Variants in DCTN6 observed in about 807,000 individuals in gnomAD.
The protein encoded by DCTN6 is dynactin subunit 6, also known as dynactin 6.
Under a neutral mutation model 25.8 loss-of-function variants are expected in DCTN6, and 15 were observed. That is an observed-to-expected ratio of 0.58 (90% CI 0.39 to 0.89). The LOEUF is 0.89. Ranked by LOEUF, DCTN6 falls within the 40% of genes least tolerant of loss-of-function variation. The pLI is 0.00. For synonymous variants in DCTN6, 64 were observed against 78.3 expected (o/e 0.82, Z 0.96); for missense variants, 198 against 237.6 (o/e 0.83, Z 1.09).
At chr8:30,157,115 T>G (rs972221423) in intron 1 of DCTN6, among the ~76,000 whole-genome samples, 1 of 152,122 alleles carries the variant, frequency 6.6e-6, no homozygotes, top group Admixed American at 6.5e-5. Flanking sequence ...GCTTTTAGAG[T>G]CCCCAGTGTC....
At chr8:30,167,848 G>A (rs1486681191) in intron 2 of DCTN6, among the ~76,000 whole-genome samples, 4 of 152,086 alleles carry the variant, frequency 2.6e-5, no homozygotes, top group Admixed American at 2.0e-4. Flanking sequence ...ACAGGCATGT[G>A]CCACCACACT....
At chr8:30,173,881 G>A (rs953035145) in intron 2 of DCTN6, among the ~76,000 whole-genome samples, 1 of 151,544 alleles carries the variant, frequency 6.6e-6, no homozygotes, top group African/African-American at 2.4e-5. Flanking sequence ...CATAAAAATT[G>A]CCTTGGTATT....
intron 1 of DCTN6, among the ~76,000 whole-genome samples, chr8:30,158,053 G>A (rs1202284416): frequency 1.3e-5 from 2 of 152,066 alleles, no homozygotes; most frequent in Non-Finnish European, 2.9e-5. Context: ...CGAGATACAA[G>A]GGGTCCTTGC....
At chr8:30,161,989 C>T (rs994720233) in intron 1 of DCTN6, among the ~76,000 whole-genome samples, 3 of 151,996 alleles carry the variant, frequency 2.0e-5, no homozygotes, top group Admixed American at 6.6e-5. Context: ...CCTCGCAATC[C>T]GCCAGCCTTG....
rs536262618 is a variant in DCTN6 at position 30,159,413 on chromosome 8, T to A, written c.23+3007T>A. 1.3e-4 allele frequency among the ~76,000 whole-genome samples: 20 copies of A among 152,218 alleles called. No homozygotes were observed. The East Asian group carries it at 3.9e-3, about 29-fold the overall frequency. On this transcript the variant is annotated intron_variant, in intron 1 of 6. Coordinates refer to ENST00000221114, the MANE Select transcript of DCTN6 (RefSeq NM_006571.4). ...GGTACAATCTTAAAAATAGTTTTCATCTTACTTTGCATGTATATTAGGGAA... is the reference window on the plus strand; with the variant it reads ...GGTACAATCTTAAAAATAGTTTTCAACTTACTTTGCATGTATATTAGGGAA...
intron 1 of DCTN6, among the ~76,000 whole-genome samples, chr8:30,157,961 A>G (rs1803548336): frequency 6.6e-6 from 1 of 152,182 alleles, no homozygotes. Flanking sequence ...AGATTAAGGT[A>G]TTGTTGACTT....
In DCTN6 at chr8:30,183,448, T is replaced by C. The variant is rs553622133; in HGVS notation, c.*275T>C. 107 of 257,766 alleles carry C rather than the reference T, an allele frequency of 4.2e-4. No individual in the cohort carries two copies. Among genetic ancestry groups the C allele is most frequent in the African/African-American group, 2.4e-3 (105 of 44,378 alleles). 16.0% of individuals were successfully genotyped at this position (257,766 alleles called of 1,614,324 possible). On this transcript the variant is annotated 3_prime_UTR_variant, in exon 7 of 7. Coordinates refer to ENST00000221114, the MANE Select transcript of DCTN6 (RefSeq NM_006571.4). ...AACTGCTAGCCACAAATTTTAGTTA[T>C]GTAAAAGGCTACCCTTGACAAGAAA...
intron 4 of DCTN6, among the ~76,000 whole-genome samples, chr8:30,178,112 T>C (rs564336197): frequency 1.1e-4 from 17 of 152,288 alleles, no homozygotes; most frequent in African/African-American, 4.1e-4. Context: ...TCATGTGTTG[T>C]CTTTTTTCCT....
chr8:30,160,116 C>G (rs1354994997), intron 1 of DCTN6, among the ~76,000 whole-genome samples: 1 of 152,144 alleles, frequency 6.6e-6, no homozygotes, highest in Non-Finnish European at 1.5e-5. Flanking sequence ...TTATTTCACT[C>G]CATGCCCCTC....
intron 6 of DCTN6, 28 bp downstream of exon 6, chr8:30,180,658 T>A (rs1803900669): frequency 6.2e-6 from 10 of 1,609,690 alleles, no homozygotes; most frequent in Non-Finnish European, 8.5e-6. Context: ...TAAAAAGAGT[T>A]CTATCTGCTG....
At chr8:30,174,706 T>A (rs979184137) in intron 2 of DCTN6, among the ~76,000 whole-genome samples, 5 of 152,204 alleles carry the variant, frequency 3.3e-5, no homozygotes, top group African/African-American at 9.6e-5. Flanking sequence ...AAAGAAGGAA[T>A]TAATTTTTAT....
intron 1 of DCTN6, among the ~76,000 whole-genome samples, chr8:30,161,589 C>T (rs1803595081): frequency 6.6e-6 from 1 of 152,090 alleles, no homozygotes; most frequent in South Asian, 2.1e-4. Context: ...CCCAGCCTTA[C>T]CTGCTCCCTT....
At chr8:30,177,690 C>T (rs1356190348) in intron 4 of DCTN6, among the ~76,000 whole-genome samples, 2 of 152,078 alleles carry the variant, frequency 1.3e-5, no homozygotes, top group Non-Finnish European at 2.9e-5. Context: ...GCACTCCAGC[C>T]TGGGTGACAG....
intron 6 of DCTN6, 61 bp from the exon 7 acceptor site, chr8:30,183,014 G>T (rs1803930881): frequency 7.0e-7 from 1 of 1,420,682 alleles, no homozygotes; most frequent in Admixed American, 1.7e-5. Flanking sequence ...ACGCCTGGTT[G>T]CTGTGTGGTA....
chr8:30,165,212 A>AGTCC (rs1337544210), intron 2 of DCTN6, among the ~76,000 whole-genome samples: 2 of 152,160 alleles, frequency 1.3e-5, no homozygotes, highest in Non-Finnish European at 2.9e-5. Flanking sequence ...CCAGAGTTCA[A>AGTCC]GTCCAACATT....
intron 4 of DCTN6, among the ~76,000 whole-genome samples, chr8:30,178,771 A>G (rs1389160551): frequency 1.3e-5 from 2 of 152,058 alleles, no homozygotes; most frequent in Non-Finnish European, 2.9e-5. Context: ...CAATCCTTCC[A>G]TCTCAGCCTC....
At position 30,180,642 on chromosome 8, in the gene DCTN6, T is replaced by C. The variant is rs778581813; in HGVS notation, c.474+12T>C. 1 of 1,612,326 alleles carries C rather than the reference T, an allele frequency of 6.2e-7. No individual in the cohort carries two copies. On this transcript the variant is annotated intron_variant, in intron 6 of 6. Transcript: ENST00000221114. ...CTGAGCGACCGCAGGTACTAGAACC[T>C]CTCTTTAAAAAGAGTTCTATCTGCT...
chr8:30,161,520 A>G (rs963337698), intron 1 of DCTN6, among the ~76,000 whole-genome samples: 6 of 152,076 alleles, frequency 3.9e-5, no homozygotes, highest in Admixed American at 1.3e-4. Flanking sequence ...CTACAGGTGC[A>G]AATTCAAATC....
intron 2 of DCTN6, among the ~76,000 whole-genome samples, chr8:30,173,739 A>AC (rs1200036077): frequency 2.0e-5 from 3 of 147,144 alleles, no homozygotes; most frequent in Non-Finnish European, 4.5e-5. Context: ...CTTAAAAAAA[A>AC]AAAAAAAAAA....
Sources: allele counts gnomAD v4.1 joint callset (sites outside exome capture counted in the v4.1 genomes callset), GRCh38; gene constraint gnomAD v4.1.1; transcripts MANE v1.5; gene names NCBI Gene and HGNC (gene_info 2026-07-23, HGNC 2026-07-21).